KLHL30: variants seen among roughly 807,000 people sequenced by gnomAD.
KLHL30 encodes kelch like family member 30, also known as kelch-like protein 30.
KLHL30 carries 55 observed loss-of-function variants against 55.0 expected under a neutral mutation model. The observed-to-expected ratio is 1.00, with a 90% CI of 0.80 to 1.25. The LOEUF is 1.25. Ranked by LOEUF, KLHL30 falls within the 50% of genes most tolerant of loss-of-function variation. The probability of loss-of-function intolerance (pLI) is 0.00; values close to 1 mark genes in which losing one functional copy is unlikely to be tolerated. For missense variants in KLHL30, 786 were observed against 811.6 expected (o/e 0.97, Z 0.38); for synonymous variants, 356 against 372.6 (o/e 0.96, Z 0.51).
intron 3 of KLHL30, among the ~76,000 whole-genome samples, chr2:238,144,408 A>AGGCAGGCAGGCAGGC (rs1692600530): frequency 1.7e-5 from 2 of 119,486 alleles, no homozygotes; most frequent in African/African-American, 6.8e-5. Context: ...GGAAGGAAGG[A>AGGCAGGCAGGCAGGC]AGGAAGGAAG....
intron 1 of KLHL30, 52 bp from the exon 2 acceptor site, chr2:238,140,633 C>T (rs1692513513): frequency 2.9e-6 from 3 of 1,045,250 alleles, no homozygotes; most frequent in African/African-American, 1.6e-5. Context: ...GTGGGTTGCT[C>T]AGGAGGATGA....
In KLHL30 at chr2:238,151,354, G is replaced by C; in HGVS notation, c.*289G>C. The C allele has an allele frequency of 2.0e-6, 1 of 494,138 alleles. No individual in the cohort carries two copies. Among genetic ancestry groups the C allele is most frequent in the East Asian group, 3.4e-5 (1 of 29,314 alleles). 30.6% of individuals were successfully genotyped at this position (494,138 alleles called of 1,614,324 possible). A position where few individuals can be genotyped will look rare whatever the true frequency, so the allele number is the denominator to read the frequency against. On this transcript the variant is annotated 3_prime_UTR_variant, in exon 8 of 8. Coordinates refer to ENST00000409223, the MANE Select transcript of KLHL30 (RefSeq NM_198582.4). ...CCTGGGGTTCCCGAGACCTCAGAGA[G>C]GGGAGCCGGGGGCCGGGCCAGCATT... is the stretch of plus-strand genomic sequence containing the variant.
At chr2:238,148,251 C>T (rs957007977) in intron 6 of KLHL30, among the ~76,000 whole-genome samples, 5 of 149,974 alleles carry the variant, frequency 3.3e-5, no homozygotes, top group African/African-American at 7.3e-5. Context: ...AGCACAGAGG[C>T]GAGCTGCACG....
rs1692525494 is a variant in KLHL30 at position 238,141,043 on chromosome 2, A to C, written c.289A>C (p.Thr97Pro). The change falls in exon 2 of 8, where the codon ACC becomes CCC. Residue 97 changes from threonine (T) to proline (P), a missense_variant. By Grantham distance (38) the Thr-to-Pro change is conservative. Coordinates refer to ENST00000409223, the MANE Select transcript of KLHL30 (RefSeq NM_198582.4). ...LVDFVYTGRL[T>P]ITQGNVEALT... ...GGACTTCGTGTACACAGGCCGGCTG[A>C]CCATCACGCAGGGCAACGTGGAGGC... is the stretch of plus-strand genomic sequence containing the variant. The C allele has an allele frequency of 6.2e-7, 1 of 1,611,908 alleles. No homozygotes were observed.
At position 238,144,984 on chromosome 2, in the gene KLHL30, C is replaced by T. The variant is rs1241238636; in HGVS notation, c.990C>T (p.Val330=). The T allele has an allele frequency of 5.6e-6, 9 of 1,601,428 alleles. No individual in the cohort carries two copies. The highest frequency in any genetic ancestry group is 7.7e-6 in the Non-Finnish European group (9 of 1,174,130). ...SLAALNNNIY[V]TGGSRGTKTD... is the part of the protein sequence containing the mutation. ...CGGCCCTGAACAACAACATCTATGT[C>T]ACAGGTGGGCAGCTCGGGGACCCTT... Residue 330 remains valine (V), a synonymous_variant, in exon 4 of 8, where the codon GTC becomes GTT. Transcript: ENST00000409223.
At chr2:238,142,972 C>G in intron 3 of KLHL30, 41 bp downstream of exon 3, 1 of 1,493,760 alleles carries the variant, frequency 6.7e-7, no homozygotes, top group Non-Finnish European at 8.8e-7. Flanking sequence ...TGCTGTCTCT[C>G]TGTCCCAGCG....
chr2:238,147,954 T>C lies in KLHL30; in HGVS notation c.1271T>C (p.Leu424Pro), dbSNP rs750058174. The C allele has an allele frequency of 1.3e-6, 2 of 1,580,670 alleles. No individual in the cohort carries two copies. The highest frequency in any genetic ancestry group is 1.8e-5 in the Admixed American group (1 of 55,556). ...NFSAAGCRGR[L>P]YLVGSSACKY... ...TCGGCTGCCGGCTGCCGGGGCCGGCTCTACCTGGTGGGCTCCAGCGCCTGC... is the reference window on the plus strand; with the variant it reads ...TCGGCTGCCGGCTGCCGGGGCCGGCCCTACCTGGTGGGCTCCAGCGCCTGC... Residue 424 changes from leucine to proline, a missense_variant, in exon 6 of 8, where the codon CTC becomes CCC. Transcript: ENST00000409223. The surrounding 1 kb of genome is among the most constrained non-coding windows in gnomAD (Gnocchi z 5.8).
chr2:238,143,034 C>A, intron 3 of KLHL30, 103 bp downstream of exon 3: 2 of 1,333,622 alleles, frequency 1.5e-6, no homozygotes, highest in Non-Finnish European at 1.9e-6. Flanking sequence ...CGCAGAGGAC[C>A]GGGAGCTGTG....
At chr2:238,139,741 C>T (rs1214238719) in intron 1 of KLHL30, among the ~76,000 whole-genome samples, 1 of 152,178 alleles carries the variant, frequency 6.6e-6, no homozygotes, top group African/African-American at 2.4e-5. Context: ...CCGGGATGGC[C>T]CCGCGAGGCG....
At position 238,145,957 on chromosome 2, in the gene KLHL30, C is replaced by G. The variant is rs1202954375; in HGVS notation, c.1150+125C>G. On this transcript the variant is annotated intron_variant, in intron 5 of 7. Transcript: ENST00000409223. Reference sequence around the variant, plus strand: ...GAGATGCCGCTCCCACTGCCACCCTCAGGGCTCGCTGTCTGGTGGGGCGGG... The same window carrying G: ...GAGATGCCGCTCCCACTGCCACCCTGAGGGCTCGCTGTCTGGTGGGGCGGG... The G allele has an allele frequency of 5.1e-6, 6 of 1,172,954 alleles. No homozygotes were observed. In the Admixed American group the frequency reaches 1.7e-4, roughly 34 times the overall value. 72.7% of individuals were successfully genotyped at this position (1,172,954 alleles called of 1,614,324 possible).
intron 2 of KLHL30, among the ~76,000 whole-genome samples, chr2:238,142,578 C>T (rs980510709): frequency 6.6e-6 from 1 of 152,202 alleles, no homozygotes; most frequent in Admixed American, 6.5e-5. Flanking sequence ...CGCTGCGGAC[C>T]TGCTATGGGA....
At chr2:238,144,412 A>AGGCAGGCAGGC (rs1692601535) in intron 3 of KLHL30, among the ~76,000 whole-genome samples, 7 of 115,396 alleles carry the variant, frequency 6.1e-5, no homozygotes, top group South Asian at 2.6e-4. Flanking sequence ...GGAAGGAAGG[A>AGGCAGGCAGGC]AGGAAGGAAG....
chr2:238,142,300 G>A (rs772888900), intron 2 of KLHL30, among the ~76,000 whole-genome samples: 7 of 152,338 alleles, frequency 4.6e-5, no homozygotes, highest in African/African-American at 1.2e-4. Context: ...GTCACAGAGC[G>A]CCCGGCCTCC....
chr2:238,144,418 G>A (rs868005831), intron 3 of KLHL30, among the ~76,000 whole-genome samples: 2 of 117,148 alleles, frequency 1.7e-5, no homozygotes, highest in African/African-American at 3.1e-5. Flanking sequence ...AAGGAAGGAA[G>A]GAAGGAAGGA....
chr2:238,141,223 T>C lies in KLHL30; in HGVS notation c.469T>C (p.Phe157Leu). 4.3e-6 allele frequency: 7 copies of C among 1,609,956 alleles called. No homozygotes were observed. The highest frequency in any genetic ancestry group is 5.9e-6 in the Non-Finnish European group (7 of 1,179,664). The change falls in exon 2 of 8, where the codon TTC (phenylalanine) becomes CTC (leucine). Residue 157 changes from phenylalanine to leucine, a missense_variant. Physicochemically the swap from Phe to Leu is conservative, Grantham distance 22. Transcript: ENST00000409223. Reference protein sequence around the residue: ...LLGVAAKAWAFLRENFEAVAR... With the variant: ...LLGVAAKAWALLRENFEAVAR... ...GGGCGTGGCTGCCAAGGCCTGGGCC[T>C]TCCTGCGAGAGAACTTTGAGGCTGT...
chr2:238,144,906 G>A lies in KLHL30; in HGVS notation c.912G>A (p.Arg304=), dbSNP rs1410295822. 2 of 1,609,158 alleles carry A rather than the reference G, an allele frequency of 1.2e-6. No individual in the cohort carries two copies. Among genetic ancestry groups the A allele is most frequent in the African/African-American group, 2.7e-5 (2 of 74,854 alleles). ...NFAFYNSKAK[R]WMALPDFPDY... ...CTGCCTCTCTCTTCCTGCCAGAGAG[G>A]TGGATGGCACTTCCAGACTTCCCCG... is the stretch of plus-strand genomic sequence containing the variant. The change falls in exon 4 of 8, where the codon AGG becomes AGA. Residue 304 remains arginine, a synonymous_variant. Transcript: ENST00000409223.
chr2:238,142,769 T>C, intron 2 of KLHL30, 30 bp from the exon 3 acceptor site: 1 of 1,366,298 alleles, frequency 7.3e-7, no homozygotes, highest in South Asian at 2.0e-5. Context: ...CACATTGCTG[T>C]TGCCCTGACC....
At chr2:238,142,109 A>G (rs1692553551) in intron 2 of KLHL30, among the ~76,000 whole-genome samples, 1 of 152,162 alleles carries the variant, frequency 6.6e-6, no homozygotes, top group Non-Finnish European at 1.5e-5. Context: ...TGATGGAATG[A>G]CAGGTCTGGG....
chr2:238,139,050 C>T (rs1434618788), intron 1 of KLHL30, among the ~76,000 whole-genome samples: 1 of 152,188 alleles, frequency 6.6e-6, no homozygotes, highest in Non-Finnish European at 1.5e-5. Context: ...GGGCTCAGGC[C>T]TTTTGTTGTC....
Sources: allele counts gnomAD v4.1 joint callset (sites outside exome capture counted in the v4.1 genomes callset), GRCh38; gene constraint gnomAD v4.1.1; non-coding constraint Gnocchi (gnomAD v3.1); transcripts MANE v1.5; gene names NCBI Gene and HGNC (gene_info 2026-07-23, HGNC 2026-07-21).